The following CTNND2 variants were observed in gnomAD, a reference collection of about 807,000 sequenced individuals.
CTNND2 encodes catenin delta 2.
Under a neutral mutation model 144.4 loss-of-function variants are expected in CTNND2, and 22 were observed. The ratio of observed to expected loss-of-function variants is 0.15; its 90% CI spans 0.11 to 0.22. CTNND2 has a LOEUF of 0.22. Ranked by LOEUF, CTNND2 falls within the 10% of genes least tolerant of loss-of-function variation. The pLI is 1.00. For missense variants in CTNND2, 1,353 were observed against 1,618.8 expected, an observed-to-expected ratio of 0.84 and a Z score of 2.82; for synonymous variants, 751 against 695.6, an observed-to-expected ratio of 1.08 and a Z score of -1.25.
At chr5:11,158,519 T>G (rs1198507415) in intron 12 of CTNND2, among the ~76,000 whole-genome samples, 1 of 152,182 alleles carries the variant, frequency 6.6e-6, no homozygotes, top group Non-Finnish European at 1.5e-5. Context: ...CATGAACGCA[T>G]GTAGATATTC....
chr5:11,898,016 C>T (rs558130841), intron 1 of CTNND2, among the ~76,000 whole-genome samples: 1 of 152,312 alleles, frequency 6.6e-6, no homozygotes, highest in South Asian at 2.1e-4. Flanking sequence ...ATCATCCTCC[C>T]TGCAGAGAGC....
chr5:11,828,836 G>T (rs189646000), intron 1 of CTNND2, among the ~76,000 whole-genome samples: 208 of 152,274 alleles, frequency 1.4e-3, no homozygotes, highest in African/African-American at 4.7e-3. Flanking sequence ...AGTTTGAAGG[G>T]CTCATTAGGC....
chr5:11,889,659 T>C (rs1350820510), intron 1 of CTNND2, among the ~76,000 whole-genome samples: 1 of 152,236 alleles, frequency 6.6e-6, no homozygotes, highest in Non-Finnish European at 1.5e-5. Context: ...ATAAAAGCAA[T>C]ACTTCATTTT....
intron 9 of CTNND2, among the ~76,000 whole-genome samples, chr5:11,299,462 A>G (rs1749351188): frequency 6.6e-6 from 1 of 152,064 alleles, no homozygotes; most frequent in Non-Finnish European, 1.5e-5. Context: ...TCCCAATTTC[A>G]CATGCATCAA....
chr5:11,082,651 A>G lies in CTNND2; in HGVS notation c.2788+45T>C, dbSNP rs560369162. 314 of 1,600,354 alleles carry G rather than the reference A, an allele frequency of 2.0e-4. 4 individuals carry two copies. In the South Asian group the frequency reaches 2.6e-3, roughly 13 times the overall value. ...AACCACACCTACCCCTAGAGAAAAT[A>G]TTTTCACTTAACACTTGAGACACTG... On this transcript the variant is annotated intron_variant, in intron 16 of 21. Coordinates refer to ENST00000304623, the MANE Select transcript of CTNND2 (RefSeq NM_001332.4).
At chr5:11,396,910 G>C in intron 6 of CTNND2, 121 bp downstream of exon 6, 12 of 914,010 alleles carry the variant, frequency 1.3e-5, no homozygotes, top group Non-Finnish European at 2.0e-5. Context: ...TTTCCCTCAA[G>C]TTGAGGGACA....
intron 12 of CTNND2, among the ~76,000 whole-genome samples, chr5:11,130,266 C>CT (rs1034701735): frequency 6.6e-6 from 1 of 152,058 alleles, no homozygotes; most frequent in East Asian, 1.9e-4. Context: ...CACACCCCCC[C>CT]CATCCACCCA....
In CTNND2 at chr5:11,684,448, GAC is replaced by G. The variant is rs546747070; in HGVS notation, c.174+47686_174+47687del. 1.2e-3 allele frequency among the ~76,000 whole-genome samples: 180 copies of G among 152,186 alleles called. 1 individual carries two copies. The highest frequency in any genetic ancestry group is 4.1e-3 in the African/African-American group (171 of 41,504). On this transcript the variant is annotated intron_variant, in intron 2 of 21. Coordinates refer to ENST00000304623, the MANE Select transcript of CTNND2 (RefSeq NM_001332.4). ...GAGAAATAGTGTAAATATTTAATGAGACATATTTTAAAGGATATTGTTTCATT... is the reference window on the plus strand; with the variant it reads ...GAGAAATAGTGTAAATATTTAATGAGATATTTTAAAGGATATTGTTTCATT...
At chr5:11,331,887 T>C (rs543419801) in intron 9 of CTNND2, among the ~76,000 whole-genome samples, 2 of 152,304 alleles carry the variant, frequency 1.3e-5, no homozygotes, top group Non-Finnish European at 2.9e-5. Flanking sequence ...CAATATTATA[T>C]GGTATATTTC....
chr5:11,849,592 T>C (rs1273270689), intron 1 of CTNND2, among the ~76,000 whole-genome samples: 3 of 152,162 alleles, frequency 2.0e-5, no homozygotes, highest in Non-Finnish European at 4.4e-5. Context: ...CATCTGGTGG[T>C]ACGGTTTAGG....
chr5:11,877,980 C>T (rs1043825379), intron 1 of CTNND2, among the ~76,000 whole-genome samples: 6 of 151,972 alleles, frequency 3.9e-5, no homozygotes, highest in African/African-American at 1.4e-4. Flanking sequence ...TTGTATATGG[C>T]AGAAACAAAT....
chr5:11,125,377 G>A (rs1188034469), intron 12 of CTNND2, among the ~76,000 whole-genome samples: 2 of 152,212 alleles, frequency 1.3e-5, no homozygotes, highest in African/African-American at 2.4e-5. Context: ...TATTCAAAAT[G>A]TTCACAAAAG....
chr5:11,230,552 C>T (rs148192304), intron 10 of CTNND2, among the ~76,000 whole-genome samples: 229 of 152,262 alleles, frequency 1.5e-3, no homozygotes, highest in Non-Finnish European at 2.9e-3. Flanking sequence ...GCACTGCCAT[C>T]CATCCACACT....
rs61750732 is a variant in CTNND2 at position 11,236,358 on chromosome 5, G to T, written c.1761+333C>A. ...CAATTGATGTTTAGTATGTCTTTAGGATTTAGGGGCAGAGAAAACTCCCAG... is the reference window on the plus strand; with the variant it reads ...CAATTGATGTTTAGTATGTCTTTAGTATTTAGGGGCAGAGAAAACTCCCAG... On this transcript the variant is annotated intron_variant, in intron 10 of 21. Transcript: ENST00000304623. 5.2e-3 allele frequency among the ~76,000 whole-genome samples: 792 copies of T among 152,216 alleles called. 7 individuals are homozygous for T. Among genetic ancestry groups the T allele is most frequent in the African/African-American group, 0.018 (761 of 41,532 alleles).
At chr5:11,664,131 T>C (rs1783426453) in intron 2 of CTNND2, among the ~76,000 whole-genome samples, 1 of 152,202 alleles carries the variant, frequency 6.6e-6, no homozygotes, top group African/African-American at 2.4e-5. Flanking sequence ...TATTCCATAA[T>C]AATATAAATT....
chr5:11,417,836 C>T (rs1015646795), intron 3 of CTNND2, among the ~76,000 whole-genome samples: 2 of 152,070 alleles, frequency 1.3e-5, no homozygotes, highest in Non-Finnish European at 2.9e-5. Flanking sequence ...GTCCAGGAGA[C>T]TTGTACAAGA....
intron 16 of CTNND2, among the ~76,000 whole-genome samples, chr5:11,035,764 CAT>C (rs1030434595): frequency 9.9e-5 from 15 of 150,850 alleles, no homozygotes; most frequent in African/African-American, 3.7e-4. Flanking sequence ...AAAATTAAGA[CAT>C]ATTTGAGGAT....
At chr5:11,220,298 GC>G (rs1469264303) in intron 10 of CTNND2, among the ~76,000 whole-genome samples, 1 of 152,146 alleles carries the variant, frequency 6.6e-6, no homozygotes, top group Non-Finnish European at 1.5e-5. Context: ...TGGCTTAAAA[GC>G]CCCATAGATG....
At chr5:11,846,505 G>C (rs1794742682) in intron 1 of CTNND2, among the ~76,000 whole-genome samples, 1 of 152,094 alleles carries the variant, frequency 6.6e-6, no homozygotes, top group African/African-American at 2.4e-5. Context: ...AGAAATCATA[G>C]TGGATCAATG....
Sources: gnomAD v4.1 joint callset for allele counts (sites outside exome capture counted in the v4.1 genomes callset) on GRCh38, gnomAD v4.1.1 for gene constraint, MANE v1.5 for transcripts, NCBI Gene and HGNC (gene_info 2026-07-23, HGNC 2026-07-21) for gene names.